Variants in XYLT1 observed in about 807,000 individuals in gnomAD.
The protein encoded by XYLT1 is xylosyltransferase 1.
XYLT1 carries 36 observed loss-of-function variants against 91.3 expected under a neutral mutation model. The ratio of observed to expected loss-of-function variants is 0.39; its 90% confidence interval spans 0.30 to 0.52. XYLT1 has a LOEUF of 0.52. Among genes scored for constraint, XYLT1 ranks in the 20% least tolerant of loss-of-function variants. XYLT1 has a pLI of 0.68. For missense variants in XYLT1, 1,242 were observed against 1,284.5 expected (o/e 0.97, Z 0.51); for synonymous variants, 588 against 532.0 (o/e 1.11, Z -1.45).
Position 17,357,534 on chromosome 16 carries a change from A to T in XYLT1, c.402+478T>A, listed in dbSNP as rs148785976. Among the ~76,000 whole-genome samples, 7 of 152,336 alleles carry T rather than the reference A, an allele frequency of 4.6e-5. No individual in the cohort carries two copies. In the East Asian group the frequency reaches 1.4e-3, roughly 29 times the overall value. On this transcript the variant is annotated intron_variant, in intron 2 of 11. Transcript: ENST00000261381. ...CTCCCCACACGGAAATGCCACTGCA[A>T]TCACAATTCCTCAGAATGGCCTAAC...
At chr16:17,166,987 T>C (rs938664565) in intron 5 of XYLT1, among the ~76,000 whole-genome samples, 6 of 152,228 alleles carry the variant, frequency 3.9e-5, no homozygotes, top group Admixed American at 3.3e-4. Context: ...TTCCCTTTGT[T>C]GCTCACCAAG....
At chr16:17,397,329 A>G (rs892538394) in intron 1 of XYLT1, among the ~76,000 whole-genome samples, 3 of 152,182 alleles carry the variant, frequency 2.0e-5, no homozygotes, top group Admixed American at 2.0e-4. Context: ...ACGGTGGCTC[A>G]TGGGCCCAGA....
At chr16:17,287,032 A>G (rs1395900943) in intron 2 of XYLT1, among the ~76,000 whole-genome samples, 1 of 152,108 alleles carries the variant, frequency 6.6e-6, no homozygotes, top group Non-Finnish European at 1.5e-5. Context: ...ACTCTGGGCA[A>G]TTGCAGCCCT....
chr16:17,186,958 G>A (rs2032197388), intron 5 of XYLT1, among the ~76,000 whole-genome samples: 1 of 152,174 alleles, frequency 6.6e-6, no homozygotes, highest in East Asian at 1.9e-4. Context: ...TACGCAAGGT[G>A]CAGATGGAGC....
chr16:17,437,490 C>T (rs2036474391), intron 1 of XYLT1, among the ~76,000 whole-genome samples: 1 of 152,158 alleles, frequency 6.6e-6, no homozygotes, highest in South Asian at 2.1e-4. Flanking sequence ...GGAAATGGTC[C>T]CACGTGAAGC....
At chr16:17,289,701 C>T (rs62033198) in intron 2 of XYLT1, among the ~76,000 whole-genome samples, 20,367 of 152,096 alleles carry the variant, frequency 0.13, 1,521 homozygotes, top group African/African-American at 0.17. Context: ...AAAACAAAAG[C>T]TTCAGTTCTG....
intron 7 of XYLT1, among the ~76,000 whole-genome samples, chr16:17,139,659 C>T (rs1209713700): frequency 6.6e-6 from 1 of 152,184 alleles, no homozygotes; most frequent in Non-Finnish European, 1.5e-5. Context: ...GGCATACATT[C>T]TCCAACAAGC....
At chr16:17,299,201 G>A (rs1386126951) in intron 2 of XYLT1, among the ~76,000 whole-genome samples, 1 of 152,108 alleles carries the variant, frequency 6.6e-6, no homozygotes, top group Non-Finnish European at 1.5e-5. Flanking sequence ...CTGCACTTAA[G>A]GCAGACGGGA....
chr16:17,421,546 G>C (rs991323454), intron 1 of XYLT1, among the ~76,000 whole-genome samples: 1 of 152,176 alleles, frequency 6.6e-6, no homozygotes, highest in Admixed American at 6.5e-5. Context: ...CACATCAGAA[G>C]TGACACTACC....
intron 1 of XYLT1, among the ~76,000 whole-genome samples, chr16:17,367,330 G>A (rs755093632): frequency 9.9e-5 from 15 of 152,188 alleles, no homozygotes; most frequent in Non-Finnish European, 1.8e-4. Flanking sequence ...CCACCATGCC[G>A]CAAATCTTTC....
chr16:17,363,243 G>A (rs1462434050), intron 1 of XYLT1, among the ~76,000 whole-genome samples: 3 of 152,232 alleles, frequency 2.0e-5, no homozygotes, highest in Non-Finnish European at 2.9e-5. Flanking sequence ...GGACAAAGAT[G>A]AATTATTCAG....
chr16:17,209,296 C>A (rs915410346), intron 3 of XYLT1, among the ~76,000 whole-genome samples: 1 of 152,208 alleles, frequency 6.6e-6, no homozygotes, highest in Non-Finnish European at 1.5e-5. Flanking sequence ...TGGCGCAGTG[C>A]CCTCCTGGTT....
In XYLT1 at chr16:17,141,297, C is replaced by T. The variant is rs777156100; in HGVS notation, c.1443G>A (p.Arg481=). ...CCACGGCAATGCCCTCTGGGATCCG[C>T]CGATCTCCCAGGCGCCACATGTGAG... ...CDAHMWRLGD[R]RIPEGIAVDG... The change falls in exon 7 of 12, where the codon CGG becomes CGA. Residue 481 remains arginine, a synonymous_variant. Coordinates refer to ENST00000261381, the MANE Select transcript of XYLT1 (RefSeq NM_022166.4). 6.2e-7 allele frequency: 1 copy of T among 1,614,166 alleles called. No individual in the cohort carries two copies. Among genetic ancestry groups the T allele is most frequent in the East Asian group, 2.2e-5 (1 of 44,872 alleles).
intron 2 of XYLT1, among the ~76,000 whole-genome samples, chr16:17,289,157 T>G (rs2034185987): frequency 6.6e-6 from 1 of 152,200 alleles, no homozygotes; most frequent in Non-Finnish European, 1.5e-5. Flanking sequence ...CCTCAACCTC[T>G]CAACCCTGCC....
intron 2 of XYLT1, among the ~76,000 whole-genome samples, chr16:17,311,137 C>T (rs139896333): frequency 2.0e-5 from 3 of 152,244 alleles, no homozygotes; most frequent in African/African-American, 7.2e-5. Context: ...TAAATTGTAA[C>T]AGCAAGTCAC....
intron 1 of XYLT1, among the ~76,000 whole-genome samples, chr16:17,410,197 A>G (rs1032504415): frequency 2.6e-5 from 4 of 152,194 alleles, no homozygotes; most frequent in Non-Finnish European, 5.9e-5. Flanking sequence ...ATCCAAAAGT[A>G]TTGATACAAA....
intron 3 of XYLT1, among the ~76,000 whole-genome samples, chr16:17,233,188 C>T (rs536909884): frequency 7.1e-4 from 108 of 152,296 alleles, no homozygotes; most frequent in African/African-American, 2.5e-3. Context: ...GAAAGCAACT[C>T]GATGAGAATT....
At chr16:17,347,327 G>C (rs1449971804) in intron 2 of XYLT1, among the ~76,000 whole-genome samples, 1 of 151,744 alleles carries the variant, frequency 6.6e-6, no homozygotes, top group Non-Finnish European at 1.5e-5. Flanking sequence ...ACCCCACCAT[G>C]CCCTAGGCCT....
chr16:17,447,802 T>C (rs952439508), intron 1 of XYLT1, among the ~76,000 whole-genome samples: 2 of 152,178 alleles, frequency 1.3e-5, no homozygotes, highest in African/African-American at 4.8e-5. Flanking sequence ...ATGTCCACAT[T>C]TGTAAAATGG....
Sources: gnomAD v4.1 joint callset for allele counts (sites outside exome capture counted in the v4.1 genomes callset) on GRCh38, gnomAD v4.1.1 for gene constraint, MANE v1.5 for transcripts, NCBI Gene and HGNC (gene_info 2026-07-23, HGNC 2026-07-21) for gene names.